Variants in CTNNA3 observed in about 807,000 individuals in gnomAD.
CTNNA3 encodes catenin alpha-3.
A neutral mutation model predicts 95.7 loss-of-function variants in CTNNA3; 76 were observed. The ratio of observed to expected loss-of-function variants is 0.79; its 90% CI spans 0.66 to 0.96. The LOEUF is 0.96. Among genes scored for constraint, CTNNA3 ranks in the 40% least tolerant of loss-of-function variants. CTNNA3 has a pLI of 0.00. For missense variants in CTNNA3, 1,191 were observed against 1,089.8 expected (o/e 1.09, Z -1.31); for synonymous variants, 431 against 374.4 (o/e 1.15, Z -1.74).
intron 9 of CTNNA3, among the ~76,000 whole-genome samples, chr10:66,653,062 A>G (rs1564596770): frequency 6.6e-6 from 1 of 152,150 alleles, no homozygotes; most frequent in Non-Finnish European, 1.5e-5. Context: ...GGAATAAGAC[A>G]AGGATTCCCG....
chr10:67,147,599 T>G (rs1589794835), intron 7 of CTNNA3, among the ~76,000 whole-genome samples: 1 of 152,330 alleles, frequency 6.6e-6, no homozygotes, highest in East Asian at 1.9e-4. Context: ...AAGCAAGATA[T>G]TTTTGTATTG....
intron 13 of CTNNA3, among the ~76,000 whole-genome samples, chr10:66,188,096 A>G (rs1343356274): frequency 6.6e-6 from 1 of 152,196 alleles, no homozygotes; most frequent in African/African-American, 2.4e-5. Flanking sequence ...CTAAGCTTGA[A>G]AATTAACTAG....
At chr10:66,523,387 T>C (rs1426298403) in intron 10 of CTNNA3, among the ~76,000 whole-genome samples, 4 of 152,208 alleles carry the variant, frequency 2.6e-5, no homozygotes, top group East Asian at 1.9e-4. Flanking sequence ...CTGCACACTA[T>C]GAAGAAGCTT....
chr10:66,742,643 T>C (rs1198908959), intron 9 of CTNNA3, among the ~76,000 whole-genome samples: 1 of 152,148 alleles, frequency 6.6e-6, no homozygotes, highest in Non-Finnish European at 1.5e-5. Flanking sequence ...TCTTTTGTAC[T>C]CTGTCCCTTT....
intron 15 of CTNNA3, among the ~76,000 whole-genome samples, chr10:66,013,788 A>G (rs1205231529): frequency 2.0e-5 from 3 of 152,202 alleles, no homozygotes; most frequent in Non-Finnish European, 4.4e-5. Context: ...CTGTTATGCT[A>G]TTATGACAGG....
chr10:67,185,891 G>A (rs1248754385), intron 6 of CTNNA3, among the ~76,000 whole-genome samples: 2 of 151,920 alleles, frequency 1.3e-5, no homozygotes, highest in African/African-American at 2.4e-5. Context: ...ATGGTGGCAT[G>A]TGTCTGTAAT....
At chr10:66,252,693 T>C (rs1318587073) in intron 13 of CTNNA3, among the ~76,000 whole-genome samples, 1 of 152,138 alleles carries the variant, frequency 6.6e-6, no homozygotes, top group East Asian at 1.9e-4. Context: ...AAAATTATTA[T>C]AGATAAAGTG....
At chr10:66,845,729 A>AAAAAAAAAAAAAAAAAAAC (rs1297933220) in intron 7 of CTNNA3, among the ~76,000 whole-genome samples, 14 of 87,732 alleles carry the variant, frequency 1.6e-4, no homozygotes, top group Non-Finnish European at 3.1e-4. Context: ...AAAAAAAAAA[A>AAAAAAAAAAAAAAAAAAAC]CTAAAAAGGT....
chr10:66,532,509 T>G (rs1416127787), intron 10 of CTNNA3, among the ~76,000 whole-genome samples: 1 of 151,630 alleles, frequency 6.6e-6, no homozygotes, highest in East Asian at 1.9e-4. Flanking sequence ...CCTGACAGCT[T>G]GGGATTAGAC....
chr10:66,114,155 C>T (rs573439861), intron 13 of CTNNA3, among the ~76,000 whole-genome samples: 1 of 152,120 alleles, frequency 6.6e-6, no homozygotes, highest in Non-Finnish European at 1.5e-5. Context: ...CCTTTTTCAT[C>T]AAACTCTATA....
chr10:67,405,486 G>C (rs1845104661), intron 5 of CTNNA3, among the ~76,000 whole-genome samples: 3 of 152,096 alleles, frequency 2.0e-5, no homozygotes, highest in Non-Finnish European at 4.4e-5. Flanking sequence ...AATTCAACAA[G>C]AATAGCTAAC....
intron 15 of CTNNA3, among the ~76,000 whole-genome samples, chr10:66,032,947 G>C (rs2079477898): frequency 6.6e-6 from 1 of 151,946 alleles, no homozygotes; most frequent in African/African-American, 2.4e-5. Context: ...ACCATGTTTG[G>C]TAGAAGCAAA....
chr10:66,070,348 G>A (rs1422805324), intron 14 of CTNNA3, among the ~76,000 whole-genome samples: 1 of 152,290 alleles, frequency 6.6e-6, no homozygotes, highest in East Asian at 1.9e-4. Context: ...AGCACGTTAA[G>A]TAAATTATAA....
Position 66,593,097 on chromosome 10 carries a change from A to G in CTNNA3, c.1374+28595T>C, listed in dbSNP as rs145147234. Among the ~76,000 whole-genome samples the G allele has an allele frequency of 3.3e-3, 507 of 152,296 alleles. 7 individuals are homozygous for G. The highest frequency in any genetic ancestry group is 5.0e-3 in the Non-Finnish European group (338 of 68,014). ...ATGGAATAAAACAAATTTAATTTTTATAATTTTCAATGTGTGGGGCTTTGA... is the reference window on the plus strand; with the variant it reads ...ATGGAATAAAACAAATTTAATTTTTGTAATTTTCAATGTGTGGGGCTTTGA... On this transcript the variant is annotated intron_variant, in intron 10 of 17. Transcript: ENST00000433211.
chr10:65,945,233 T>G (rs992031631), intron 17 of CTNNA3, among the ~76,000 whole-genome samples: 3 of 152,098 alleles, frequency 2.0e-5, no homozygotes, highest in Non-Finnish European at 4.4e-5. Context: ...AGGCTATGGT[T>G]GGCTCAATTG....
At chr10:66,985,344 G>A (rs540764055) in intron 7 of CTNNA3, among the ~76,000 whole-genome samples, 14 of 152,296 alleles carry the variant, frequency 9.2e-5, no homozygotes, top group Admixed American at 9.2e-4. Flanking sequence ...TACCAAGGGT[G>A]AGAGAATAAA....
At chr10:67,118,404 G>A (rs892083161) in intron 7 of CTNNA3, among the ~76,000 whole-genome samples, 2 of 151,886 alleles carry the variant, frequency 1.3e-5, no homozygotes, top group African/African-American at 2.4e-5. Flanking sequence ...AAACTTACAA[G>A]GACATGCCCT....
At chr10:66,306,580 A>G (rs967190244) in intron 12 of CTNNA3, among the ~76,000 whole-genome samples, 3 of 152,304 alleles carry the variant, frequency 2.0e-5, no homozygotes, top group African/African-American at 7.2e-5. Flanking sequence ...TTAACAATAA[A>G]ACAAGATTTA....
chr10:66,409,231 G>T (rs1002304234), intron 11 of CTNNA3, among the ~76,000 whole-genome samples: 2 of 152,050 alleles, frequency 1.3e-5, no homozygotes, highest in Non-Finnish European at 1.5e-5. Flanking sequence ...GAAATTCCTG[G>T]GAAAGTCTGA....
Sources: allele counts gnomAD v4.1 joint callset (sites outside exome capture counted in the v4.1 genomes callset), GRCh38; gene constraint gnomAD v4.1.1; transcripts MANE v1.5; gene names NCBI Gene and HGNC (gene_info 2026-07-23, HGNC 2026-07-21).